The following TMEM179 variants were observed in gnomAD, a reference collection of about 807,000 sequenced individuals.
The protein encoded by TMEM179 is transmembrane protein 179, also known as transmembrane protein 179A.
In TMEM179, 17 loss-of-function variants were observed where a neutral mutation model predicts 22.2. The ratio of observed to expected loss-of-function variants is 0.77; its 90% CI spans 0.52 to 1.15. TMEM179 has a LOEUF of 1.15. TMEM179 is among the 50% of genes most tolerant of loss of function. The pLI is 0.00. For synonymous variants in TMEM179, 127 were observed against 140.5 expected (o/e 0.90, Z 0.68); for missense variants, 265 against 313.6 (o/e 0.84, Z 1.17).
Position 104,597,517 on chromosome 14 carries a change from C to T in TMEM179, c.306-390G>A, listed in dbSNP as rs548647654. ...CTCTGGCCCAGGTGCTTGTGTCCCC[C>T]CAAATCCATATGTTCCAGTCCACTG... is the stretch of plus-strand genomic sequence containing the variant. On this transcript the variant is annotated intron_variant, in intron 1 of 3. Transcript: ENST00000556573. This position sits in a 1 kb window ranked among gnomAD's most constrained non-coding sequence, Gnocchi z 4.8. Among the ~76,000 whole-genome samples the T allele has an allele frequency of 6.6e-6, 1 of 152,158 alleles. No individual in the cohort carries two copies. Among genetic ancestry groups the T allele is most frequent in the African/African-American group, 2.4e-5 (1 of 41,420 alleles).
At chr14:104,594,124 T>C in intron 3 of TMEM179, 1 of 1,232,824 alleles carries the variant, frequency 8.1e-7, no homozygotes, top group Non-Finnish European at 1.0e-6. Context: ...GAACCAGGCC[T>C]GAGCTACATT....
chr14:104,600,535 G>A (rs951652122), intron 1 of TMEM179, among the ~76,000 whole-genome samples: 8 of 152,194 alleles, frequency 5.3e-5, no homozygotes, highest in African/African-American at 7.2e-5. Context: ...CTTCTGCCCC[G>A]AAATGGCAAG....
Position 104,593,284 on chromosome 14 carries a change from A to G in TMEM179, c.*195T>C. ...GCACCATCCTCATCAGGGAGCCGGC[A>G]CCCACCCAGTCCACTGCCAGGCTCA... On this transcript the variant is annotated 3_prime_UTR_variant, in exon 4 of 4. Transcript: ENST00000556573. 1 of 658,930 alleles carries G rather than the reference A, an allele frequency of 1.5e-6. No homozygotes were observed. Among genetic ancestry groups the G allele is most frequent in the Non-Finnish European group, 2.6e-6 (1 of 388,322 alleles). 40.8% of individuals were successfully genotyped at this position (658,930 alleles called of 1,614,324 possible).
rs559511297 is a variant in TMEM179, at chr14:104,594,270, G to A, written c.523-612C>T. The A allele has an allele frequency of 2.2e-5, 27 of 1,231,742 alleles. 1 individual carries two copies. In the Admixed American group the frequency reaches 3.8e-4, roughly 17 times the overall value. 76.3% of individuals were successfully genotyped at this position (1,231,742 alleles called of 1,614,324 possible). A position where few individuals can be genotyped will look rare whatever the true frequency, so the allele number is the denominator to read the frequency against. ...GTCTTTGACAGGTCCAGTTCATCTC[G>A]GCAAAGAGCATTCAGGCCCACCCAT... is the stretch of plus-strand genomic sequence containing the variant. On this transcript the variant is annotated intron_variant, in intron 3 of 3. Transcript: ENST00000556573.
chr14:104,603,975 T>A (rs1469361629), intron 1 of TMEM179, among the ~76,000 whole-genome samples: 1 of 152,202 alleles, frequency 6.6e-6, no homozygotes, highest in Non-Finnish European at 1.5e-5. Flanking sequence ...GACAGCCATC[T>A]GCCGTCCCTT....
chr14:104,596,228 T>G (rs1887017675), intron 2 of TMEM179, among the ~76,000 whole-genome samples: 1 of 152,216 alleles, frequency 6.6e-6, no homozygotes, highest in Admixed American at 6.5e-5. Flanking sequence ...TGGGTTTGCT[T>G]AAAGGAAGAA....
rs891151406 is a variant in TMEM179 at position 104,593,588 on chromosome 14, T to C, written c.593A>G (p.Asn198Ser). Residue 198 changes from asparagine (N) to serine (S), a missense_variant, in exon 4 of 4, where the codon AAC becomes AGC. Physicochemically the swap from Asn to Ser is conservative, Grantham distance 46. Coordinates refer to ENST00000556573, the MANE Select transcript of TMEM179 (RefSeq NM_001286389.2). ...TTLAFLKVYH[N>S]YRQEDLLDSL... ...GTCCAGCAGGTCCTCCTGACGGTAG[T>C]TGTGGTAGACCTTCAGGAAGGCCAG... 2.0e-5 allele frequency: 31 copies of C among 1,524,798 alleles called. No individual in the cohort carries two copies. Among genetic ancestry groups the C allele is most frequent in the Non-Finnish European group, 2.6e-5 (30 of 1,139,902 alleles). 94.5% of individuals were successfully genotyped at this position (1,524,798 alleles called of 1,614,324 possible).
chr14:104,593,950 C>A (rs896526804), intron 3 of TMEM179: 3 of 972,716 alleles, frequency 3.1e-6, no homozygotes, highest in Non-Finnish European at 4.0e-6. Flanking sequence ...CGGCCAGAGG[C>A]CCCGAGGAGG....
intron 1 of TMEM179, among the ~76,000 whole-genome samples, chr14:104,598,674 C>T (rs1887128879): frequency 6.6e-6 from 1 of 152,256 alleles, no homozygotes; most frequent in South Asian, 2.1e-4. Flanking sequence ...CAGCGCCCAA[C>T]TCAGAGCAGG....
At position 104,591,942 on chromosome 14, in the gene TMEM179, G is replaced by A. The variant is rs1046493479; in HGVS notation, c.*1537C>T. The A allele has an allele frequency of 1.2e-5, 2 of 163,446 alleles. No individual in the cohort carries two copies. The highest frequency in any genetic ancestry group is 4.8e-5 in the African/African-American group (2 of 41,456). 10.1% of individuals were successfully genotyped at this position (163,446 alleles called of 1,614,324 possible). On this transcript the variant is annotated 3_prime_UTR_variant, in exon 4 of 4. Coordinates refer to ENST00000556573, the MANE Select transcript of TMEM179 (RefSeq NM_001286389.2). The stretch of plus-strand genomic sequence containing the variant: ...GGAGGTGGACCCTGGGCTTTCCTGA[G>A]GGGCAGGGTCCACAGCCAAGCAGCC...
At chr14:104,594,295 T>C (rs3803315) in intron 3 of TMEM179, 741,575 of 1,231,504 alleles carry the variant, frequency 0.6, 232,079 homozygotes, top group Non-Finnish European at 0.64. Context: ...GGCCCACCCA[T>C]GTCCAGCACC....
At chr14:104,602,190 G>A (rs1026935171) in intron 1 of TMEM179, among the ~76,000 whole-genome samples, 1 of 152,242 alleles carries the variant, frequency 6.6e-6, no homozygotes, top group Non-Finnish European at 1.5e-5. Context: ...CGCCCAGTGT[G>A]TGCGAAATAG....
chr14:104,601,894 C>T (rs1242732280), intron 1 of TMEM179, among the ~76,000 whole-genome samples: 1 of 152,176 alleles, frequency 6.6e-6, no homozygotes, highest in Admixed American at 6.5e-5. Flanking sequence ...CACCCTAACC[C>T]CCACAGGCCT....
At position 104,595,243 on chromosome 14, in the gene TMEM179, G is replaced by C. The variant is rs1465702432; in HGVS notation, c.444C>G (p.Ser148Arg). ...TITEKGTVPH[S>R]CEELQDIDLE... The stretch of plus-strand genomic sequence containing the variant: ...AGTCGATGTCCTGGAGCTCTTCACA[G>C]CTAAAACAGCAGGACATAGGGTGGA... The change falls in exon 3 of 4, where the codon AGC becomes AGG. Residue 148 changes from serine to arginine, a missense_variant and splice_region_variant. Ser to Arg is a moderately radical substitution (Grantham distance 110, BLOSUM62 -1). Coordinates refer to ENST00000556573, the MANE Select transcript of TMEM179 (RefSeq NM_001286389.2). The surrounding 1 kb of genome is among the most constrained non-coding windows in gnomAD (Gnocchi z 5.7). 6.2e-7 allele frequency: 1 copy of C among 1,612,658 alleles called. No individual in the cohort carries two copies. The highest frequency in any genetic ancestry group is 1.1e-5 in the South Asian group (1 of 90,846).
intron 3 of TMEM179, chr14:104,594,358 A>G: frequency 8.1e-7 from 1 of 1,231,706 alleles, no homozygotes. Flanking sequence ...ACGGCCAGCA[A>G]GAGCCTTCAG....
intron 3 of TMEM179, chr14:104,593,981 G>A: frequency 8.8e-7 from 1 of 1,134,898 alleles, no homozygotes; most frequent in Non-Finnish European, 1.1e-6. Flanking sequence ...AGTGGCGAGT[G>A]CTTTCTCCTC....
chr14:104,594,463 G>A, intron 3 of TMEM179: 1 of 1,231,722 alleles, frequency 8.1e-7, no homozygotes, highest in Non-Finnish European at 1.0e-6. Flanking sequence ...CCCCCACCCG[G>A]CACCCCTCAT....
At chr14:104,598,405 C>G (rs886950122) in intron 1 of TMEM179, among the ~76,000 whole-genome samples, 4 of 152,262 alleles carry the variant, frequency 2.6e-5, no homozygotes, top group Non-Finnish European at 4.4e-5. Flanking sequence ...CCCACAGAAA[C>G]AGCTTCACAG....
Position 104,593,124 on chromosome 14 carries a change from C to A in TMEM179, c.*355G>T. The stretch of plus-strand genomic sequence containing the variant: ...GGGCCAGCTGGCATGGAGACAGCAT[C>A]CGGCCAGGGTTGGGGGAGACAAGCT... On this transcript the variant is annotated 3_prime_UTR_variant, in exon 4 of 4. Coordinates refer to ENST00000556573, the MANE Select transcript of TMEM179 (RefSeq NM_001286389.2). 3.0e-6 allele frequency: 1 copy of A among 328,612 alleles called. No homozygotes were observed. The highest frequency in any genetic ancestry group is 5.6e-6 in the Non-Finnish European group (1 of 177,920). 20.4% of individuals were successfully genotyped at this position (328,612 alleles called of 1,614,324 possible).
Sources: allele counts gnomAD v4.1 joint callset (sites outside exome capture counted in the v4.1 genomes callset), GRCh38; gene constraint gnomAD v4.1.1; non-coding constraint Gnocchi (gnomAD v3.1); transcripts MANE v1.5; gene names NCBI Gene and HGNC (gene_info 2026-07-23, HGNC 2026-07-21).